ZNF99: variants seen among roughly 807,000 people sequenced by gnomAD.
ZNF99 encodes the protein zinc finger protein ENSP00000375192.
ZNF99 carries 8 observed loss-of-function variants against 12.8 expected under a neutral mutation model. That is an observed-to-expected ratio of 0.62 (90% confidence interval 0.37 to 1.13). ZNF99 has a LOEUF of 1.13. Ranked by LOEUF, ZNF99 falls within the 50% of genes most tolerant of loss-of-function variation. The pLI, the probability that ZNF99 is intolerant of heterozygous loss-of-function variation, is 0.02. For synonymous variants in ZNF99, 318 were observed against 319.0 expected (o/e 1.00, Z 0.03); for missense variants, 1,007 against 1,006.2 (o/e 1.00, Z -0.01).
chr19:22,752,884 A>G lies in ZNF99; in HGVS notation c.*4430T>C, dbSNP rs1287443788. The G allele has an allele frequency of 1.3e-5, 2 of 152,106 alleles. No individual in the cohort carries two copies. The highest frequency in any genetic ancestry group is 4.8e-5 in the African/African-American group (2 of 41,444). 9.4% of individuals were successfully genotyped at this position (152,106 alleles called of 1,614,324 possible). A position where few individuals can be genotyped will look rare whatever the true frequency, so the allele number is the denominator to read the frequency against. On this transcript the variant is annotated 3_prime_UTR_variant, in exon 4 of 4. Coordinates refer to ENST00000596209, the MANE Select transcript of ZNF99 (RefSeq NM_001080409.3). Reference sequence around the variant, plus strand: ...TGCACAAAAATATATTCCTCAGAACACCTACCTCATACATCACTCAATATT... The same window carrying G: ...TGCACAAAAATATATTCCTCAGAACGCCTACCTCATACATCACTCAATATT...
In ZNF99 at chr19:22,757,633, T is replaced by G; in HGVS notation, c.2276A>C (p.Lys759Thr). 1 of 1,611,910 alleles carries G rather than the reference T, an allele frequency of 6.2e-7. No homozygotes were observed. The highest frequency in any genetic ancestry group is 8.5e-7 in the Non-Finnish European group (1 of 1,179,680). ...TVHKVIHTAE[K>T]PCKCEECGKA... ...GCCACATTCTTCACATTTGCAGGGTTTCTCTGCAGTATGAATTACCTTATG... is the reference window on the plus strand; with the variant it reads ...GCCACATTCTTCACATTTGCAGGGTGTCTCTGCAGTATGAATTACCTTATG... The change falls in exon 4 of 4, where the codon AAA (lysine) becomes ACA (threonine). Residue 759 changes from lysine (K) to threonine (T), a missense_variant. By Grantham distance (78) the Lys-to-Thr change is moderately conservative (BLOSUM62 -1). Coordinates refer to ENST00000596209, the MANE Select transcript of ZNF99 (RefSeq NM_001080409.3).
At position 22,756,224 on chromosome 19, in the gene ZNF99, T is replaced by C. The variant is rs1445552358; in HGVS notation, c.*1090A>G. ...ACATTTTTAGGGCTTCTCCCCAGTA[T>C]GAATTATCTTATGTTTAGTAAGGGC... On this transcript the variant is annotated 3_prime_UTR_variant, in exon 4 of 4. Transcript: ENST00000596209. The C allele has an allele frequency of 1.3e-6, 2 of 1,554,322 alleles. 1 individual carries two copies. The highest frequency in any genetic ancestry group is 3.3e-5 in the African/African-American group (2 of 60,464).
In ZNF99 at chr19:22,766,709, T is replaced by G. The variant is rs530105285; in HGVS notation, c.226+1596A>C. Reference sequence around the variant, plus strand: ...TGTTGTTGTCCAGGCTGGAGTGCAATGGCGCCATCTCGGCTTACCACAACC... The same window carrying G: ...TGTTGTTGTCCAGGCTGGAGTGCAAGGGCGCCATCTCGGCTTACCACAACC... On this transcript the variant is annotated intron_variant, in intron 3 of 3. Coordinates refer to ENST00000596209, the MANE Select transcript of ZNF99 (RefSeq NM_001080409.3). Among the ~76,000 whole-genome samples, 5 of 150,228 alleles carry G rather than the reference T, an allele frequency of 3.3e-5. No individual in the cohort carries two copies. The South Asian group carries it at 8.4e-4, about 25-fold the overall frequency.
rs1973052349 is a variant in ZNF99 at position 22,756,322 on chromosome 19, T to TTGAGTAAG, written c.*984_*991dup. The TTGAGTAAG allele has an allele frequency of 2.5e-6, 4 of 1,573,532 alleles. 1 individual carries two copies. The highest frequency in any genetic ancestry group is 3.4e-6 in the Non-Finnish European group (4 of 1,160,286). ...TCCCTCCAGTATGAATTGTTTTATG[T>TTGAGTAAG]TGAGTAAGGTGTGAGGACTGGTTAA... On this transcript the variant is annotated 3_prime_UTR_variant, in exon 4 of 4. Transcript: ENST00000596209.
At chr19:22,782,720 G>T (rs1240261555) in intron 1 of ZNF99, among the ~76,000 whole-genome samples, 1 of 138,282 alleles carries the variant, frequency 7.2e-6, no homozygotes, top group Non-Finnish European at 1.5e-5. Context: ...TGCCCAGGCT[G>T]GTGTGCAGTG....
At position 22,784,110 on chromosome 19, in the gene ZNF99, A is replaced by AT; in HGVS notation, c.-95_-94insA. The AT allele has an allele frequency of 7.0e-7, 1 of 1,434,766 alleles. No homozygotes were observed. The highest frequency in any genetic ancestry group is 1.2e-5 in the South Asian group (1 of 81,820). 88.9% of individuals were successfully genotyped at this position (1,434,766 alleles called of 1,614,324 possible). ...CAGAGGCTAAGGACACAGAGCAGTA[A>AT]AAACGAGATCCGGAGCTCCAGCTGG... On this transcript the variant is annotated 5_prime_UTR_variant, in exon 1 of 4. Coordinates refer to ENST00000596209, the MANE Select transcript of ZNF99 (RefSeq NM_001080409.3).
rs1302716046 is a variant in ZNF99, at chr19:22,754,598, A to T, written c.*2716T>A. On this transcript the variant is annotated 3_prime_UTR_variant, in exon 4 of 4. Coordinates refer to ENST00000596209, the MANE Select transcript of ZNF99 (RefSeq NM_001080409.3). ...GTCGGGTTTCTCTTCAGTATGAATT[A>T]TCTTAATGTGTGGTAAGATGTGAGA... 1 of 394,460 alleles carries T rather than the reference A, an allele frequency of 2.5e-6. No individual in the cohort carries two copies. The highest frequency in any genetic ancestry group is 3.4e-5 in the Admixed American group (1 of 29,576). The allele number at this position is 394,460 out of a possible 1,614,324, so 24.4% of individuals were successfully genotyped here. A position where few individuals can be genotyped will look rare whatever the true frequency, so the allele number is the denominator to read the frequency against.
At chr19:22,766,199 A>G (rs1286665243) in intron 3 of ZNF99, among the ~76,000 whole-genome samples, 1 of 151,510 alleles carries the variant, frequency 6.6e-6, no homozygotes, top group East Asian at 1.9e-4. Flanking sequence ...GAAACTACGC[A>G]AAACAAAATA....
chr19:22,769,972 C>G, intron 1 of ZNF99: 3 of 1,359,642 alleles, frequency 2.2e-6, no homozygotes, highest in Non-Finnish European at 2.9e-6. Context: ...TTTTTCAGAC[C>G]AAAAAGACAT....
chr19:22,769,584 G>A (rs547513169), intron 1 of ZNF99, among the ~76,000 whole-genome samples: 18 of 151,896 alleles, frequency 1.2e-4, no homozygotes, highest in Non-Finnish European at 8.8e-5. Flanking sequence ...TGGCTAACAC[G>A]GTGAAACCCC....
chr19:22,773,203 G>A (rs1456821135), intron 1 of ZNF99, among the ~76,000 whole-genome samples: 1 of 152,110 alleles, frequency 6.6e-6, no homozygotes, highest in East Asian at 1.9e-4. Flanking sequence ...AGCCTGAGAG[G>A]GAAAGTTTCC....
intron 1 of ZNF99, among the ~76,000 whole-genome samples, chr19:22,776,425 A>AC (rs1232787397): frequency 3.8e-5 from 1 of 26,620 alleles, no homozygotes; most frequent in Non-Finnish European, 7.3e-5. Flanking sequence ...ATATATATAT[A>AC]TATATATATA....
In ZNF99 at chr19:22,759,496, G is replaced by T; in HGVS notation, c.413C>A (p.Thr138Lys). ...EAYNKLNQCW[T>K]TTQGKIFQCN... ...CTGAAATATTTTTCCCTGGGTAGTT[G>T]TCCAACATTGGTTAAGTTTATTATA... The change falls in exon 4 of 4, where the codon ACA becomes AAA. Residue 138 changes from threonine (T) to lysine (K), a missense_variant. Transcript: ENST00000596209. 1 of 1,607,586 alleles carries T rather than the reference G, an allele frequency of 6.2e-7. No homozygotes were observed. Among genetic ancestry groups the T allele is most frequent in the Non-Finnish European group, 8.5e-7 (1 of 1,178,050 alleles).
rs1242991635 is a variant in ZNF99 at position 22,754,369 on chromosome 19, A to G, written c.*2945T>C. On this transcript the variant is annotated 3_prime_UTR_variant, in exon 4 of 4. Coordinates refer to ENST00000596209, the MANE Select transcript of ZNF99 (RefSeq NM_001080409.3). ...GCGACAGAGTGAGACTCCATTTCAAAAAAAAAAAAAAAACTTTGCCACATT... is the reference window on the plus strand; with the variant it reads ...GCGACAGAGTGAGACTCCATTTCAAGAAAAAAAAAAAAACTTTGCCACATT... 7.6e-6 allele frequency: 3 copies of G among 396,126 alleles called. No homozygotes were observed. Among genetic ancestry groups the G allele is most frequent in the South Asian group, 5.7e-5 (3 of 52,804 alleles). 24.5% of individuals were successfully genotyped at this position (396,126 alleles called of 1,614,324 possible). A position where few individuals can be genotyped will look rare whatever the true frequency, so the allele number is the denominator to read the frequency against.
At chr19:22,764,831 A>G (rs935510976) in intron 3 of ZNF99, among the ~76,000 whole-genome samples, 1 of 152,178 alleles carries the variant, frequency 6.6e-6, no homozygotes, top group African/African-American at 2.4e-5. Flanking sequence ...TAAATAAATA[A>G]AAAAACAGAT....
In ZNF99 at chr19:22,780,537, T is replaced by A. The variant is rs142795586; in HGVS notation, c.3+3477A>T. ...GAGAAACCCCCGTCTCTACTAAAAATACAAAATTAGCGGCGTGGTGGCACA... is the reference window on the plus strand; with the variant it reads ...GAGAAACCCCCGTCTCTACTAAAAAAACAAAATTAGCGGCGTGGTGGCACA... On this transcript the variant is annotated intron_variant, in intron 1 of 3. Transcript: ENST00000596209. 8.4e-3 allele frequency among the ~76,000 whole-genome samples: 1,278 copies of A among 151,896 alleles called. 12 individuals are homozygous for A. Among genetic ancestry groups the A allele is most frequent in the African/African-American group, 0.029 (1,204 of 41,410 alleles).
Position 22,757,949 on chromosome 19 carries a change from A to G in ZNF99, c.1960T>C (p.Cys654Arg), listed in dbSNP as rs374280287. ...GAGGACCACTTAAAAGCTTTACCACATTCTTCACATTTGTAGGGTTTCTCT... is the reference window on the plus strand; with the variant it reads ...GAGGACCACTTAAAAGCTTTACCACGTTCTTCACATTTGTAGGGTTTCTCT... ...TGEKPYKCEE[C>R]GKAFKWSSHL... is the part of the protein sequence containing the mutation. The change falls in exon 4 of 4, where the codon TGT becomes CGT. Residue 654 changes from cysteine (C) to arginine (R), a missense_variant. Physicochemically the swap from Cys to Arg is radical, Grantham distance 180. Coordinates refer to ENST00000596209, the MANE Select transcript of ZNF99 (RefSeq NM_001080409.3). The G allele has an allele frequency of 6.2e-7, 1 of 1,612,716 alleles. No homozygotes were observed. Among genetic ancestry groups the G allele is most frequent in the Non-Finnish European group, 8.5e-7 (1 of 1,179,640 alleles).
chr19:22,769,471 C>T, intron 1 of ZNF99, 147 bp from the exon 2 acceptor site: 1 of 943,662 alleles, frequency 1.1e-6, no homozygotes, highest in Non-Finnish European at 1.5e-6. Flanking sequence ...TAATTTTCAA[C>T]ACAGAAATCG....
chr19:22,780,691 C>CA (rs34311189), intron 1 of ZNF99, among the ~76,000 whole-genome samples: 42,974 of 111,612 alleles, frequency 0.39, 6,302 homozygotes, highest in East Asian at 0.46. Flanking sequence ...AACTCTGTTT[C>CA]AAAAAAAAAA....
Sources: gnomAD v4.1 joint callset for allele counts (sites outside exome capture counted in the v4.1 genomes callset) on GRCh38, gnomAD v4.1.1 for gene constraint, MANE v1.5 for transcripts, NCBI Gene and HGNC (gene_info 2026-07-23, HGNC 2026-07-21) for gene names.